The following DAPK2 variants were observed in gnomAD, a reference collection of about 807,000 sequenced individuals.
The protein encoded by DAPK2 is death associated protein kinase 2, also known as death-associated protein kinase 2.
In DAPK2, 35 loss-of-function variants were observed where a neutral mutation model predicts 44.1. That is an observed-to-expected ratio of 0.79 (90% confidence interval 0.61 to 1.05). The LOEUF (loss-of-function observed/expected upper bound fraction) is 1.05. Ranked by LOEUF, DAPK2 falls within the 50% of genes least tolerant of loss-of-function variation. DAPK2 has a pLI of 0.00. For synonymous variants in DAPK2, 174 were observed against 182.6 expected, an observed-to-expected ratio of 0.95 and a Z score of 0.38; for missense variants, 453 against 483.2, an observed-to-expected ratio of 0.94 and a Z score of 0.59.
At chr15:63,950,551 C>A (rs953225591) in intron 3 of DAPK2, among the ~76,000 whole-genome samples, 5 of 152,046 alleles carry the variant, frequency 3.3e-5, no homozygotes, top group African/African-American at 1.2e-4. Flanking sequence ...AAGAAAAAAA[C>A]AACTATTAGA....
rs148446544 is a variant in DAPK2 at position 63,990,026 on chromosome 15, C to A, written c.93-6272G>T. ...TTTTAAATTCTCAAAAGGCAATATA[C>A]CCCTTACGGCCTGCATCAAGGTAGA... On this transcript the variant is annotated intron_variant, in intron 1 of 10. Transcript: ENST00000261891. This position sits in a 1 kb window ranked among gnomAD's most constrained non-coding sequence, Gnocchi z 4.3. 1.9e-4 allele frequency among the ~76,000 whole-genome samples: 29 copies of A among 152,218 alleles called. No homozygotes were observed. Among genetic ancestry groups the A allele is most frequent in the Middle Eastern group, 3.4e-3 (1 of 294 alleles).
intron 4 of DAPK2, among the ~76,000 whole-genome samples, chr15:63,934,338 C>A (rs1278763431): frequency 7.2e-6 from 1 of 139,356 alleles, no homozygotes; most frequent in African/African-American, 2.7e-5. Context: ...CTCACTGCAA[C>A]CTCTGCCTCC....
At chr15:63,999,775 AT>A (rs201795718) in intron 1 of DAPK2, among the ~76,000 whole-genome samples, 28 of 150,258 alleles carry the variant, frequency 1.9e-4, no homozygotes, top group African/African-American at 6.9e-4. Context: ...TTATTTTTTT[AT>A]TTTTTTTGAG....
rs536995450 is a variant in DAPK2 at position 64,046,301 on chromosome 15, G to C, written c.-10C>G. 3 of 974,244 alleles carry C rather than the reference G, an allele frequency of 3.1e-6. No individual in the cohort carries two copies. The African/African-American group carries it at 5.4e-5, about 17-fold the overall frequency. The allele number at this position is 974,244 out of a possible 1,614,324, so 60.3% of individuals were successfully genotyped here. On this transcript the variant is annotated 5_prime_UTR_variant, in exon 1 of 12. Coordinates refer to the DAPK2 transcript ENST00000457488. The surrounding 1 kb of genome is among the most constrained non-coding windows in gnomAD (Gnocchi z 5.3). ...CCCGCAGACGGGTGCTACTCACGGCGGGAGGCTGAGCTGCCGCGGTCGCGG... is the reference window on the plus strand; with the variant it reads ...CCCGCAGACGGGTGCTACTCACGGCCGGAGGCTGAGCTGCCGCGGTCGCGG...
intron 3 of DAPK2, among the ~76,000 whole-genome samples, chr15:63,945,077 C>A (rs2077413613): frequency 6.6e-6 from 1 of 152,294 alleles, no homozygotes; most frequent in East Asian, 1.9e-4. Context: ...GTTGCCCAGA[C>A]TGGATTTAAA....
At chr15:63,922,587 A>C in intron 8 of DAPK2, 5 of 1,416,176 alleles carry the variant, frequency 3.5e-6, no homozygotes, top group Non-Finnish European at 4.6e-6. Context: ...CTGGCACCTC[A>C]GCAATTCTGG....
chr15:63,993,904 GAC>G (rs1424355437), intron 1 of DAPK2, among the ~76,000 whole-genome samples: 1 of 152,102 alleles, frequency 6.6e-6, no homozygotes, highest in Non-Finnish European at 1.5e-5. Flanking sequence ...ACATTCCACA[GAC>G]ACACACGGTG....
chr15:63,925,280 TAGAC>T (rs1364818485), intron 7 of DAPK2, among the ~76,000 whole-genome samples: 1 of 152,144 alleles, frequency 6.6e-6, no homozygotes, highest in Non-Finnish European at 1.5e-5. Flanking sequence ...GCACTGTTCT[TAGAC>T]AGGAAAATCA....
At chr15:63,972,809 T>C (rs1468629013) in intron 2 of DAPK2, among the ~76,000 whole-genome samples, 1 of 152,172 alleles carries the variant, frequency 6.6e-6, no homozygotes, top group African/African-American at 2.4e-5. Flanking sequence ...AGCCTCCTCA[T>C]ATTGGAAAAC....
chr15:63,938,959 C>T (rs913846745), intron 4 of DAPK2, among the ~76,000 whole-genome samples: 6 of 152,184 alleles, frequency 3.9e-5, no homozygotes, highest in East Asian at 3.8e-4. Flanking sequence ...GTGGGGCCAG[C>T]GCTACAAGGG....
chr15:64,010,517 C>T (rs1044399317), intron 1 of DAPK2, among the ~76,000 whole-genome samples: 1 of 152,122 alleles, frequency 6.6e-6, no homozygotes, highest in Non-Finnish European at 1.5e-5. Context: ...TGATGATGAT[C>T]CCTACATTTG....
chr15:64,034,993 C>T (rs1389842610), intron 1 of DAPK2, among the ~76,000 whole-genome samples: 4 of 152,084 alleles, frequency 2.6e-5, no homozygotes, highest in Admixed American at 2.0e-4. Context: ...CATGGTGAAA[C>T]CCCATCTCTA....
chr15:63,975,313 C>T (rs1433062338), intron 2 of DAPK2, among the ~76,000 whole-genome samples: 1 of 152,128 alleles, frequency 6.6e-6, no homozygotes, highest in African/African-American at 2.4e-5. Context: ...AGCAGTGAGG[C>T]CTTAAAACCT....
intron 1 of DAPK2, among the ~76,000 whole-genome samples, chr15:64,039,028 A>C (rs2080286218): frequency 6.6e-6 from 1 of 152,214 alleles, no homozygotes; most frequent in African/African-American, 2.4e-5. Flanking sequence ...ATCTTTGCTT[A>C]GAGTTGGAGT....
intron 2 of DAPK2, among the ~76,000 whole-genome samples, chr15:63,982,075 G>T (rs1020653427): frequency 1.3e-4 from 20 of 152,106 alleles, no homozygotes; most frequent in Non-Finnish European, 2.5e-4. Context: ...GAGAACTAAA[G>T]CTCAGGGAAT....
At chr15:64,036,301 G>GTATATATA (rs1368698625) in intron 1 of DAPK2, among the ~76,000 whole-genome samples, 168 of 43,190 alleles carry the variant, frequency 3.9e-3, no homozygotes, top group East Asian at 9.7e-3. Flanking sequence ...GTGTGTGTGT[G>GTATATATA]TGTGTGTGTA....
chr15:63,973,203 G>T (rs2078259681), intron 2 of DAPK2, among the ~76,000 whole-genome samples: 1 of 152,194 alleles, frequency 6.6e-6, no homozygotes, highest in Non-Finnish European at 1.5e-5. Context: ...AGTGTGGCAA[G>T]CTCTGTGCCA....
chr15:63,994,526 C>T (rs1255581081), intron 1 of DAPK2, among the ~76,000 whole-genome samples: 2 of 151,266 alleles, frequency 1.3e-5, no homozygotes, highest in East Asian at 1.9e-4. Flanking sequence ...AGATAACCAT[C>T]GTTATCATCT....
intron 1 of DAPK2, chr15:63,991,430 C>T (rs897870977): frequency 2.4e-6 from 1 of 420,436 alleles, no homozygotes; most frequent in Non-Finnish European, 4.8e-6. Flanking sequence ...GTTTCATGAG[C>T]CTGTTTCCCC....
Sources: allele counts gnomAD v4.1 joint callset (sites outside exome capture counted in the v4.1 genomes callset), GRCh38; gene constraint gnomAD v4.1.1; non-coding constraint Gnocchi (gnomAD v3.1); transcripts MANE v1.5; gene names NCBI Gene and HGNC (gene_info 2026-07-23, HGNC 2026-07-21).